Variants in PRPSAP2 observed in about 807,000 individuals in gnomAD.
PRPSAP2 encodes phosphoribosyl pyrophosphate synthetase associated protein 2, also known as phosphoribosyl pyrophosphate synthase-associated protein 2.
A neutral mutation model predicts 40.6 loss-of-function variants in PRPSAP2; 24 were observed. The ratio of observed to expected loss-of-function variants is 0.59; its 90% CI spans 0.43 to 0.83. PRPSAP2 has a LOEUF of 0.83. Among genes scored for constraint, PRPSAP2 ranks in the 40% least tolerant of loss-of-function variants. PRPSAP2 has a pLI of 0.00. For synonymous variants in PRPSAP2, 149 were observed against 164.7 expected, an observed-to-expected ratio of 0.90 and a Z score of 0.73; for missense variants, 292 against 465.6, an observed-to-expected ratio of 0.63 and a Z score of 3.43.
At chr17:18,867,390 G>T (rs1159655304) in intron 4 of PRPSAP2, 56 bp downstream of exon 4, 3 of 1,556,958 alleles carry the variant, frequency 1.9e-6, no homozygotes, top group Admixed American at 3.4e-5. Flanking sequence ...TGGCATATTG[G>T]CTCCGTCCTT....
intron 1 of PRPSAP2, among the ~76,000 whole-genome samples, chr17:18,861,662 C>T (rs781239078): frequency 2.3e-4 from 35 of 152,106 alleles, no homozygotes; most frequent in Non-Finnish European, 1.6e-4. Flanking sequence ...TCTAGAACGT[C>T]AGAGACCACA....
At chr17:18,862,855 C>T (rs1279179446) in intron 1 of PRPSAP2, among the ~76,000 whole-genome samples, 1 of 151,794 alleles carries the variant, frequency 6.6e-6, no homozygotes, top group Non-Finnish European at 1.5e-5. Flanking sequence ...GAGTCTCGCT[C>T]TGTCTCCCAG....
chr17:18,886,106 T>C (rs1037617288), intron 7 of PRPSAP2, among the ~76,000 whole-genome samples: 2 of 152,184 alleles, frequency 1.3e-5, no homozygotes, highest in East Asian at 1.9e-4. Context: ...TAGATATTCA[T>C]GTTTCACTGA....
chr17:18,926,040 G>A (rs2041951860), intron 10 of PRPSAP2, among the ~76,000 whole-genome samples: 1 of 151,906 alleles, frequency 6.6e-6, no homozygotes, highest in Non-Finnish European at 1.5e-5. Flanking sequence ...GGAGCTTGCA[G>A]TGAGCCGAGA....
intron 9 of PRPSAP2, chr17:18,917,578 ATTATTATTTTTTTTTTTTTTTTTT>A (rs2041416705): frequency 1.5e-4 from 5 of 33,616 alleles, no homozygotes; most frequent in Admixed American, 1.3e-3. Flanking sequence ...TATTATTATT[ATTATTATTTTTTTTTTTTTTTTTT>A]TTTTTTTTTT....
intron 9 of PRPSAP2, among the ~76,000 whole-genome samples, chr17:18,918,988 T>C (rs753170871): frequency 4.2e-4 from 64 of 152,354 alleles, no homozygotes; most frequent in Admixed American, 1.2e-3. Context: ...TATGTGGCTT[T>C]CATTTCTGTT....
Position 18,886,929 on chromosome 17 carries a change from C to CTTTTTTT in PRPSAP2, c.529-2875_529-2869dup, listed in dbSNP as rs71155365. Among the ~76,000 whole-genome samples, 237 of 75,364 alleles carry CTTTTTTT rather than the reference C, an allele frequency of 3.1e-3. 1 individual carries two copies. Among genetic ancestry groups the CTTTTTTT allele is most frequent in the African/African-American group, 3.8e-3 (70 of 18,520 alleles). 49.4% of individuals were successfully genotyped at this position (75,364 alleles called of 152,430 possible). ...CATACATGATAATTTTTCTTTTCTTCTTTTTTTTTTTTTTTTTTTTTTTTG... is the reference window on the plus strand; with the variant it reads ...CATACATGATAATTTTTCTTTTCTTCTTTTTTTTTTTTTTTTTTTTTTTTTTTTTTTG... On this transcript the variant is annotated intron_variant, in intron 7 of 11. Coordinates refer to ENST00000268835, the MANE Select transcript of PRPSAP2 (RefSeq NM_002767.4).
At chr17:18,892,745 A>ATTTTTTTTTT (rs1555554151) in intron 8 of PRPSAP2, among the ~76,000 whole-genome samples, 73 of 125,700 alleles carry the variant, frequency 5.8e-4, no homozygotes, top group African/African-American at 2.2e-3. Flanking sequence ...TTATTTATTT[A>ATTTTTTTTTT]TTTTTTTGAG....
chr17:18,903,896 G>A (rs2040430422), intron 8 of PRPSAP2, among the ~76,000 whole-genome samples: 1 of 152,130 alleles, frequency 6.6e-6, no homozygotes, highest in Non-Finnish European at 1.5e-5. Context: ...CTTCGAGCAG[G>A]AGATGGCACT....
chr17:18,910,336 C>A (rs183619742), intron 8 of PRPSAP2, among the ~76,000 whole-genome samples: 1 of 152,200 alleles, frequency 6.6e-6, no homozygotes, highest in Non-Finnish European at 1.5e-5. Context: ...GCAGGAGAAT[C>A]GCTTGAACCC....
At position 18,911,111 on chromosome 17, in the gene PRPSAP2, CTT is replaced by C; in HGVS notation, c.596_597del (p.Phe199CysfsTer2). 2 of 1,610,444 alleles carry C rather than the reference CTT, an allele frequency of 1.2e-6. No individual in the cohort carries two copies. The highest frequency in any genetic ancestry group is 1.7e-6 in the Non-Finnish European group (2 of 1,177,766). On this transcript the variant is annotated frameshift_variant, in exon 9 of 12. Coordinates refer to ENST00000268835, the MANE Select transcript of PRPSAP2 (RefSeq NM_002767.4). LOFTEE classifies it high-confidence loss of function. The surrounding 1 kb of genome is among the most constrained non-coding windows in gnomAD (Gnocchi z 4.5). ...CTGGTGTTTTCCCTCAGGGCACAGT[CTT>C]TTGCTGAGCGCCTGCGCCTGGGAAT...
intron 8 of PRPSAP2, among the ~76,000 whole-genome samples, chr17:18,901,326 C>T (rs1216670190): frequency 2.0e-5 from 3 of 152,114 alleles, no homozygotes; most frequent in Non-Finnish European, 4.4e-5. Flanking sequence ...ACCACCGTGA[C>T]GTTGCTCAGG....
At chr17:18,856,568 T>C (rs1364472401), upstream of PRPSAP2, 1 of 152,254 alleles carries the variant, frequency 6.6e-6, no homozygotes, top group Non-Finnish European at 1.5e-5. Context: ...TTAGTTGAGA[T>C]GCTTGTATTC....
At position 18,889,299 on chromosome 17, in the gene PRPSAP2, A is replaced by G. The variant is rs2039385586; in HGVS notation, c.529-523A>G. Among the ~76,000 whole-genome samples, 4 of 152,352 alleles carry G rather than the reference A, an allele frequency of 2.6e-5. No individual in the cohort carries two copies. In the South Asian group the frequency reaches 8.3e-4, roughly 32 times the overall value. On this transcript the variant is annotated intron_variant, in intron 7 of 11. Coordinates refer to ENST00000268835, the MANE Select transcript of PRPSAP2 (RefSeq NM_002767.4). ...AGGTGTTATTAACTGCTCATATTAA[A>G]ATTCATTGGTGTAATTGTGAGAAAA...
At position 18,921,395 on chromosome 17, in the gene PRPSAP2, A is replaced by G. The variant is rs2041682014; in HGVS notation, c.734-2519A>G. On this transcript the variant is annotated intron_variant, in intron 9 of 11. Transcript: ENST00000268835. ...TACTTTTTCACCGGCATTGAGGTCA[A>G]GTGTCCTGGGAGTAGGACTGTTGAA... 3.3e-5 allele frequency among the ~76,000 whole-genome samples: 5 copies of G among 152,210 alleles called. 1 individual carries two copies. In the South Asian group the frequency reaches 1.0e-3, roughly 31 times the overall value.
At chr17:18,862,791 T>TTTTATTTATTTATTTA (rs199576423) in intron 1 of PRPSAP2, among the ~76,000 whole-genome samples, 6 of 149,326 alleles carry the variant, frequency 4.0e-5, no homozygotes, top group South Asian at 2.1e-4. Flanking sequence ...TGTAACACCC[T>TTTTATTTATTTATTTA]TTTATTTATT....
intron 1 of PRPSAP2, among the ~76,000 whole-genome samples, chr17:18,861,991 G>A (rs111951007): frequency 0.08 from 12,250 of 152,180 alleles, 594 homozygotes; most frequent in Middle Eastern, 0.15. Flanking sequence ...AGGTTCAAGC[G>A]ATTCACCTGC....
At chr17:18,867,116 G>A in intron 3 of PRPSAP2, 166 bp from the exon 4 acceptor site, 1 of 692,386 alleles carries the variant, frequency 1.4e-6, no homozygotes, top group Non-Finnish European at 2.4e-6. Context: ...TGGGGTGAGG[G>A]GCTAGGTAAT....
intron 3 of PRPSAP2, among the ~76,000 whole-genome samples, chr17:18,866,856 G>T: frequency 6.6e-6 from 1 of 152,200 alleles, no homozygotes; most frequent in East Asian, 1.9e-4. Flanking sequence ...GCTTTAGCAT[G>T]TGTGCTGAAG....
Sources: allele counts gnomAD v4.1 joint callset (sites outside exome capture counted in the v4.1 genomes callset), GRCh38; gene constraint gnomAD v4.1.1; non-coding constraint Gnocchi (gnomAD v3.1); transcripts MANE v1.5; gene names NCBI Gene and HGNC (gene_info 2026-07-23, HGNC 2026-07-21).